The following TLN2 variants were observed in gnomAD, a reference collection of about 807,000 sequenced individuals.
TLN2 encodes talin 2, also known as talin-2.
Under a neutral mutation model 294.7 loss-of-function variants are expected in TLN2, and 118 were observed. The ratio of observed to expected loss-of-function variants is 0.40; its 90% CI spans 0.34 to 0.47. The LOEUF is 0.47. Among genes scored for constraint, TLN2 ranks in the 20% least tolerant of loss-of-function variants. TLN2 has a pLI of 0.84. For missense variants in TLN2, 3,083 were observed against 3,282.2 expected (o/e 0.94, Z 1.48); for synonymous variants, 1,431 against 1,304.5 (o/e 1.10, Z -2.09).
chr15:62,633,544 A>G (rs2050109847), intron 3 of TLN2, among the ~76,000 whole-genome samples: 2 of 152,130 alleles, frequency 1.3e-5, no homozygotes, highest in African/African-American at 4.8e-5. Flanking sequence ...GACTCAAGCA[A>G]TCCTCCCACC....
chr15:62,703,656 AAGAG>A (rs762587788), intron 19 of TLN2, among the ~76,000 whole-genome samples: 66 of 130,682 alleles, frequency 5.1e-4, no homozygotes, highest in Middle Eastern at 3.9e-3. Flanking sequence ...CACACAGAGA[AAGAG>A]AGAGAGAATT....
At chr15:62,494,827 G>A (rs2140416500) in intron 1 of TLN2, among the ~76,000 whole-genome samples, 2 of 152,262 alleles carry the variant, frequency 1.3e-5, no homozygotes, top group Admixed American at 1.3e-4. Flanking sequence ...ATTCTAAGCA[G>A]CCCCCTTGCT....
intron 51 of TLN2, 72 bp downstream of exon 51, chr15:62,805,857 A>C: frequency 1.3e-6 from 2 of 1,514,728 alleles, no homozygotes; most frequent in East Asian, 2.3e-5. Context: ...GTGTAGTCTG[A>C]AAAAGGGGAG....
chr15:62,716,493 T>C (rs368470623), intron 23 of TLN2, 34 bp downstream of exon 23: 24 of 1,568,170 alleles, frequency 1.5e-5, no homozygotes, highest in Non-Finnish European at 2.1e-5. Context: ...GGGATGCCCA[T>C]CTTAAATTGC....
intron 3 of TLN2, among the ~76,000 whole-genome samples, chr15:62,629,130 C>T (rs1430764328): frequency 6.6e-6 from 1 of 152,138 alleles, no homozygotes; most frequent in Admixed American, 6.5e-5. Flanking sequence ...CCACTTGAGG[C>T]TGCAGTGAGC....
chr15:62,835,932 G>A lies in TLN2; in HGVS notation c.7233G>A (p.Ala2411=), dbSNP rs148610300. Residue 2411 remains alanine, a synonymous_variant, in exon 57 of 59, where the codon GCG becomes GCA. Coordinates refer to ENST00000636159, the MANE Select transcript of TLN2 (RefSeq NM_015059.3). ...VAAATSSLCE[A]ANASVQGHAS... is the part of the protein sequence containing the mutation. The stretch of plus-strand genomic sequence containing the variant: ...CTGCGACCAGCAGTCTCTGTGAGGC[G>A]GCCAATGCCTCCGTTCAGGGACACG... The A allele has an allele frequency of 9.1e-5, 147 of 1,614,186 alleles. No individual in the cohort carries two copies. The African/African-American group carries it at 1.4e-3, about 15-fold the overall frequency.
chr15:62,637,333 C>G (rs985627370), intron 3 of TLN2: 1 of 152,122 alleles, frequency 6.6e-6, no homozygotes, highest in African/African-American at 2.4e-5. Flanking sequence ...TTTAGAGCCA[C>G]CTTCTTTCTG....
chr15:62,534,542 C>G (rs1003277282), intron 1 of TLN2, among the ~76,000 whole-genome samples: 2 of 152,206 alleles, frequency 1.3e-5, no homozygotes, highest in Non-Finnish European at 2.9e-5. Context: ...GTTCAACTAT[C>G]TGGAAGCTCC....
chr15:62,787,047 G>C (rs936298598), intron 45 of TLN2, among the ~76,000 whole-genome samples: 1 of 151,930 alleles, frequency 6.6e-6, no homozygotes, highest in Non-Finnish European at 1.5e-5. Context: ...TGGGACTGCA[G>C]GTGTGCGCCA....
chr15:62,753,150 A>G (rs1348641361), intron 35 of TLN2, among the ~76,000 whole-genome samples: 1 of 152,200 alleles, frequency 6.6e-6, no homozygotes, highest in Non-Finnish European at 1.5e-5. Context: ...TTGCAAAGAG[A>G]AGCCCTTCCC....
At chr15:62,437,185 A>T (rs569707035) in intron 1 of TLN2, among the ~76,000 whole-genome samples, 1 of 152,364 alleles carries the variant, frequency 6.6e-6, no homozygotes, top group African/African-American at 2.4e-5. Context: ...GAAAAATACC[A>T]TCAAGGGCTC....
chr15:62,540,153 A>T (rs892069815), intron 1 of TLN2, among the ~76,000 whole-genome samples: 1 of 152,044 alleles, frequency 6.6e-6, no homozygotes, highest in African/African-American at 2.4e-5. Flanking sequence ...CAGCCTGGCC[A>T]ACATGGTGAA....
intron 1 of TLN2, among the ~76,000 whole-genome samples, chr15:62,485,908 T>G (rs1187000171): frequency 6.6e-6 from 1 of 152,186 alleles, no homozygotes; most frequent in Non-Finnish European, 1.5e-5. Flanking sequence ...TGGGGTGCTT[T>G]GCTTTATTTA....
At chr15:62,594,701 C>T (rs561660980) in intron 2 of TLN2, among the ~76,000 whole-genome samples, 5 of 152,256 alleles carry the variant, frequency 3.3e-5, no homozygotes, top group East Asian at 1.9e-4. Flanking sequence ...AACAGTAAAA[C>T]TGTTAAAAGA....
chr15:62,738,375 G>A, intron 30 of TLN2, 42 bp downstream of exon 30: 1 of 1,609,138 alleles, frequency 6.2e-7, no homozygotes, highest in East Asian at 2.2e-5. Flanking sequence ...GGGGGACTAG[G>A]CTCGCGTTAG....
chr15:62,716,143 A>T (rs564348338), intron 22 of TLN2, among the ~76,000 whole-genome samples, 188 bp from the exon 23 acceptor site: 1 of 152,240 alleles, frequency 6.6e-6, no homozygotes, highest in Non-Finnish European at 1.5e-5. Flanking sequence ...TAGCTATGCA[A>T]TTTTGAAACA....
chr15:62,576,595 A>ATT lies in TLN2; in HGVS notation c.-237-13072_-237-13071dup, dbSNP rs3055751. 3.1e-3 allele frequency among the ~76,000 whole-genome samples: 319 copies of ATT among 103,020 alleles called. 2 individuals carry two copies. Among genetic ancestry groups the ATT allele is most frequent in the African/African-American group, 0.011 (300 of 26,526 alleles). 67.6% of individuals were successfully genotyped at this position (103,020 alleles called of 152,430 possible). Reference sequence around the variant, plus strand: ...AGACATGAGTAAGACATTGCTCTGTATTTTTTTTTTTTTTTTTTTTTGCAT... The same window carrying ATT: ...AGACATGAGTAAGACATTGCTCTGTATTTTTTTTTTTTTTTTTTTTTTTGCAT... On this transcript the variant is annotated intron_variant, in intron 1 of 58. Coordinates refer to ENST00000636159, the MANE Select transcript of TLN2 (RefSeq NM_015059.3).
chr15:62,663,621 C>T (rs575904935), intron 9 of TLN2, among the ~76,000 whole-genome samples: 2 of 151,516 alleles, frequency 1.3e-5, no homozygotes, highest in Admixed American at 6.6e-5. Context: ...AATAGTATTC[C>T]CATACAAATC....
At chr15:62,720,648 GGTGTGTGTGTGTGT>G (rs5813167) in intron 25 of TLN2, among the ~76,000 whole-genome samples, 5 of 149,202 alleles carry the variant, frequency 3.4e-5, no homozygotes, top group East Asian at 2.0e-4. Flanking sequence ...ATACAACACA[GGTGTGTGTGTGTGT>G]GTGTGTGTGT....
Sources: allele counts gnomAD v4.1 joint callset (sites outside exome capture counted in the v4.1 genomes callset), GRCh38; gene constraint gnomAD v4.1.1; transcripts MANE v1.5; gene names NCBI Gene and HGNC (gene_info 2026-07-23, HGNC 2026-07-21).